SLC4A4: variants seen among roughly 807,000 people sequenced by gnomAD.
SLC4A4 encodes solute carrier family 4 member 4, also known as electrogenic sodium bicarbonate cotransporter 1.
Under a neutral mutation model 111.5 loss-of-function variants are expected in SLC4A4, and 27 were observed. The ratio of observed to expected loss-of-function variants is 0.24; its 90% CI spans 0.18 to 0.33. The LOEUF (loss-of-function observed/expected upper bound fraction) is 0.33. Among genes scored for constraint, SLC4A4 ranks in the 10% least tolerant of loss-of-function variants. The probability of loss-of-function intolerance (pLI) is 1.00; values close to 1 mark genes in which losing one functional copy is unlikely to be tolerated. For missense variants in SLC4A4, 909 were observed against 1,315.5 expected, an observed-to-expected ratio of 0.69 and a Z score of 4.78; for synonymous variants, 443 against 463.4, an observed-to-expected ratio of 0.96 and a Z score of 0.57.
chr4:71,300,727 G>A (rs1725182262), intron 3 of SLC4A4: 1 of 375,358 alleles, frequency 2.7e-6, no homozygotes, highest in Non-Finnish European at 5.4e-6. Flanking sequence ...TTCTGGAGGG[G>A]GCCTGGGAAG....
chr4:71,411,362 GC>G lies in SLC4A4; in HGVS notation c.807+13718del, dbSNP rs200890739. ...TTTTCAGGGAAGTTTTCTGTGACACGCCCCCCCCCTCTTGCCCCCAGTCTTT... is the reference window on the plus strand; with the variant it reads ...TTTTCAGGGAAGTTTTCTGTGACACGCCCCCCCCTCTTGCCCCCAGTCTTT... On this transcript the variant is annotated intron_variant, in intron 7 of 25. Coordinates refer to ENST00000264485, the MANE Select transcript of SLC4A4 (RefSeq NM_001098484.3). Among the ~76,000 whole-genome samples, 295 of 149,596 alleles carry G rather than the reference GC, an allele frequency of 2.0e-3. 1 individual carries two copies. Among genetic ancestry groups the G allele is most frequent in the East Asian group, 4.3e-3 (22 of 5,096 alleles).
intron 2 of SLC4A4, among the ~76,000 whole-genome samples, chr4:71,163,625 C>A (rs1447918972): frequency 6.6e-6 from 1 of 152,166 alleles, no homozygotes; most frequent in Non-Finnish European, 1.5e-5. Context: ...ATATTTTCAT[C>A]GATAAATGTG....
chr4:71,319,878 G>C (rs1411359926), intron 3 of SLC4A4, among the ~76,000 whole-genome samples: 2 of 151,924 alleles, frequency 1.3e-5, no homozygotes, highest in Non-Finnish European at 2.9e-5. Flanking sequence ...TTATAATTCG[G>C]ATCCCATCAC....
At chr4:71,497,969 T>G (rs1730566261) in intron 16 of SLC4A4, among the ~76,000 whole-genome samples, 1 of 152,146 alleles carries the variant, frequency 6.6e-6, no homozygotes, top group Non-Finnish European at 1.5e-5. Context: ...TGAATTATAT[T>G]TAAAAATGCA....
chr4:71,269,277 G>A (rs1429252082), intron 3 of SLC4A4, among the ~76,000 whole-genome samples: 1 of 152,186 alleles, frequency 6.6e-6, no homozygotes, highest in Non-Finnish European at 1.5e-5. Flanking sequence ...TTGGTCTAAA[G>A]TCAACTGAAT....
intron 15 of SLC4A4, among the ~76,000 whole-genome samples, chr4:71,495,901 A>G (rs1175738380): frequency 6.6e-6 from 1 of 152,122 alleles, no homozygotes; most frequent in African/African-American, 2.4e-5. Flanking sequence ...CCACCCAACC[A>G]CATTGGCATC....
chr4:71,159,934 T>G (rs964223800), intron 2 of SLC4A4, among the ~76,000 whole-genome samples: 2 of 152,200 alleles, frequency 1.3e-5, no homozygotes, highest in Non-Finnish European at 2.9e-5. Context: ...TTTTCTATAG[T>G]ATTTTTCTAT....
intron 3 of SLC4A4, among the ~76,000 whole-genome samples, chr4:71,304,388 C>G (rs1204985264): frequency 1.3e-5 from 2 of 152,130 alleles, no homozygotes; most frequent in Non-Finnish European, 2.9e-5. Flanking sequence ...TGTCTGAGAG[C>G]AGGAGAAGAT....
chr4:71,422,992 A>G (rs577087940), intron 7 of SLC4A4, among the ~76,000 whole-genome samples: 1 of 152,304 alleles, frequency 6.6e-6, no homozygotes, highest in East Asian at 1.9e-4. Flanking sequence ...GGCCAGGGCA[A>G]TTAGGCAGGA....
At chr4:71,285,236 G>A (rs1003499136) in intron 3 of SLC4A4, among the ~76,000 whole-genome samples, 5 of 152,126 alleles carry the variant, frequency 3.3e-5, no homozygotes, top group African/African-American at 7.2e-5. Context: ...AAATGATGCC[G>A]TCATTTAGTC....
chr4:71,195,877 G>C (rs1431857191), intron 1 of SLC4A4, among the ~76,000 whole-genome samples: 2 of 152,222 alleles, frequency 1.3e-5, no homozygotes, highest in Non-Finnish European at 2.9e-5. Flanking sequence ...ATGGAAATCT[G>C]TTGGCCTTAT....
chr4:71,157,011 C>T (rs937996057), intron 2 of SLC4A4, among the ~76,000 whole-genome samples: 6 of 152,070 alleles, frequency 3.9e-5, no homozygotes, highest in Non-Finnish European at 8.8e-5. Flanking sequence ...GGAGACTATT[C>T]CTACCCAGCA....
intron 2 of SLC4A4, among the ~76,000 whole-genome samples, chr4:71,130,671 G>T (rs557251013): frequency 6.6e-6 from 1 of 152,160 alleles, no homozygotes; most frequent in South Asian, 2.1e-4. Context: ...ATCATACTTT[G>T]AAGCATCTCT....
At chr4:71,486,326 G>A (rs1241190019) in intron 14 of SLC4A4, among the ~76,000 whole-genome samples, 2 of 151,290 alleles carry the variant, frequency 1.3e-5, no homozygotes, top group African/African-American at 4.8e-5. Flanking sequence ...GAGGAACGTT[G>A]GTTTAATAAA....
chr4:71,377,753 G>T (rs1304381521), intron 6 of SLC4A4, among the ~76,000 whole-genome samples: 1 of 152,160 alleles, frequency 6.6e-6, no homozygotes, highest in Non-Finnish European at 1.5e-5. Flanking sequence ...TGACTCACAA[G>T]CTGCCTCGTA....
At chr4:71,407,014 C>T (rs1480189541) in intron 7 of SLC4A4, among the ~76,000 whole-genome samples, 9 of 152,100 alleles carry the variant, frequency 5.9e-5, no homozygotes, top group Non-Finnish European at 1.2e-4. Flanking sequence ...TAAGTAATTT[C>T]CCTAAAGTTA....
intron 1 of SLC4A4, among the ~76,000 whole-genome samples, chr4:71,073,908 A>C (rs2148931352): frequency 6.6e-6 from 1 of 152,204 alleles, no homozygotes; most frequent in East Asian, 1.9e-4. Context: ...ATATGGCGAA[A>C]ACCTGTCTCT....
At chr4:71,078,431 A>G (rs1001639765) in intron 1 of SLC4A4, among the ~76,000 whole-genome samples, 3 of 152,084 alleles carry the variant, frequency 2.0e-5, no homozygotes, top group Non-Finnish European at 4.4e-5. Context: ...GAAGTGGTAG[A>G]GTTTGTTCTG....
At chr4:71,355,173 A>T (rs977052411) in intron 5 of SLC4A4, among the ~76,000 whole-genome samples, 3 of 152,196 alleles carry the variant, frequency 2.0e-5, no homozygotes, top group African/African-American at 7.2e-5. Flanking sequence ...GATTGGTTTG[A>T]GATTTCAAGG....
Sources: allele counts gnomAD v4.1 joint callset (sites outside exome capture counted in the v4.1 genomes callset), GRCh38; gene constraint gnomAD v4.1.1; transcripts MANE v1.5; gene names NCBI Gene and HGNC (gene_info 2026-07-23, HGNC 2026-07-21).